Variants in RPS4X observed in about 807,000 individuals in gnomAD.
RPS4X encodes small ribosomal subunit protein eS4, X isoform.
For missense variants in RPS4X, 90 were observed against 219.1 expected (o/e 0.41, Z 3.72); for synonymous variants, 76 against 76.8 (o/e 0.99, Z 0.06).
At position 72,276,261 on chromosome X, in the gene RPS4X, T is replaced by C. The variant is rs147277097; in HGVS notation, c.4-27A>G. The C allele has an allele frequency of 3.9e-4, 446 of 1,139,537 alleles. 4 individuals are homozygous for C. The African/African-American group carries it at 6.9e-3, about 18-fold the overall frequency. 93.9% of individuals were successfully genotyped at this position (1,139,537 alleles called of 1,213,427 possible). A position where few individuals can be genotyped will look rare whatever the true frequency, so the allele number is the denominator to read the frequency against. Reference sequence around the variant, plus strand: ...TGAAAGTTTTAGATTGCAATGCTGTTAATCAGGTTTCAGAACAGCTTATAA... The same window carrying C: ...TGAAAGTTTTAGATTGCAATGCTGTCAATCAGGTTTCAGAACAGCTTATAA... On this transcript the variant is annotated intron_variant, in intron 1 of 6. Transcript: ENST00000316084.
chrX:72,273,502 T>C, intron 5 of RPS4X, 113 bp from the exon 6 acceptor site: 1 of 790,423 alleles, frequency 1.3e-6, no homozygotes, highest in South Asian at 2.8e-5. Flanking sequence ...TTTCCTCATA[T>C]GGAACTGCTG....
In RPS4X at chrX:72,273,331, G is replaced by A; in HGVS notation, c.591C>T (p.Asn197=). 1 of 1,209,928 alleles carries A rather than the reference G, an allele frequency of 8.3e-7. No homozygotes were observed. Among genetic ancestry groups the A allele is most frequent in the Non-Finnish European group, 1.1e-6 (1 of 893,805 alleles). ...ANLGRIGVIT[N]RERHPGSFDV... ...CAAAAGATCCAGGGTGCCTCTCTCTGTTGGTGATCACACCAATTCTTCCTA... is the reference window on the plus strand; with the variant it reads ...CAAAAGATCCAGGGTGCCTCTCTCTATTGGTGATCACACCAATTCTTCCTA... The change falls in exon 6 of 7, where the codon AAC becomes AAT. Residue 197 remains asparagine, a synonymous_variant. Transcript: ENST00000316084.
At chrX:72,277,116 C>A in intron 1 of RPS4X, 77 bp downstream of exon 1, 1 of 1,160,147 alleles carries the variant, frequency 8.6e-7, no homozygotes, top group African/African-American at 1.8e-5. Context: ...AGTAGGAATC[C>A]CGAAACCTCG....
chrX:72,276,110 G>A (rs912020413), intron 2 of RPS4X, 47 bp downstream of exon 2: 1 of 1,048,357 alleles, frequency 9.5e-7, no homozygotes, highest in Non-Finnish European at 1.3e-6. Flanking sequence ...AGTCCTGGGA[G>A]ACACTTAAAA....
chrX:72,272,918 A>G, intron 6 of RPS4X, 146 bp from the exon 7 acceptor site: 1 of 475,255 alleles, frequency 2.1e-6, no homozygotes, highest in South Asian at 3.6e-5. Flanking sequence ...CAAGACACAG[A>G]TGCTGGTTAC....
chrX:72,273,446 G>C, intron 5 of RPS4X, 57 bp from the exon 6 acceptor site: 1 of 1,052,328 alleles, frequency 9.5e-7, no homozygotes, highest in Non-Finnish European at 1.3e-6. Context: ...AAGCAGCTCA[G>C]AGATGGGTCC....
At position 72,273,229 on chromosome X, in the gene RPS4X, T is replaced by C; in HGVS notation, c.690+3A>G. 8.3e-7 allele frequency: 1 copy of C among 1,204,413 alleles called. No individual in the cohort carries two copies. Among genetic ancestry groups the C allele is most frequent in the East Asian group, 3.0e-5 (1 of 33,773 alleles). ...ACTAGAGAGAAGGAAAACCCAGACT[T>C]ACCTTGCCAATAACAAAAATGTTGG... On this transcript the variant is annotated splice_donor_region_variant and intron_variant, in intron 6 of 6. Coordinates refer to ENST00000316084, the MANE Select transcript of RPS4X (RefSeq NM_001007.5).
At chrX:72,275,804 A>G in intron 2 of RPS4X, 80 bp from the exon 3 acceptor site, 1 of 848,465 alleles carries the variant, frequency 1.2e-6, no homozygotes, top group Non-Finnish European at 1.7e-6. Context: ...AGATCCACTA[A>G]CTGAACACCA....
intron 1 of RPS4X, 95 bp from the exon 2 acceptor site, chrX:72,276,329 G>A (rs2043203562): frequency 3.4e-6 from 2 of 592,055 alleles, no homozygotes; most frequent in East Asian, 6.9e-5. Flanking sequence ...TTCATCTTCA[G>A]CAAAATGTGG....
chrX:72,272,907 G>T (rs1056475803), intron 6 of RPS4X, 135 bp from the exon 7 acceptor site: 1 of 484,303 alleles, frequency 2.1e-6, no homozygotes, highest in Non-Finnish European at 3.6e-6. Flanking sequence ...CTAGGCAGTT[G>T]CAAGACACAG....
chrX:72,275,286 T>C (rs971256851), intron 3 of RPS4X, 136 bp from the exon 4 acceptor site: 2 of 476,076 alleles, frequency 4.2e-6, no homozygotes, highest in South Asian at 3.6e-5. Context: ...ATTCTGAAGA[T>C]TAAAGATCAC....
chrX:72,273,122 C>T, intron 6 of RPS4X, 110 bp downstream of exon 6: 1 of 734,399 alleles, frequency 1.4e-6, no homozygotes, highest in South Asian at 2.7e-5. Context: ...CCAGAAGAGG[C>T]TTTGCACTAG....
intron 6 of RPS4X, 47 bp from the exon 7 acceptor site, chrX:72,272,819 A>G (rs767437734): frequency 1.1e-6 from 1 of 917,753 alleles, no homozygotes; most frequent in South Asian, 2.1e-5. Flanking sequence ...ACACCAACTC[A>G]TAGTGGCTTG....
At chrX:72,274,004 T>C (rs2043191428) in intron 4 of RPS4X, 32 bp from the exon 5 acceptor site, 1 of 1,170,338 alleles carries the variant, frequency 8.5e-7, no homozygotes, top group South Asian at 1.8e-5. Context: ...CCACATTCAA[T>C]CCATCTCACA....
In RPS4X at chrX:72,277,072, G is replaced by A. The variant is rs574101821; in HGVS notation, c.3+121C>T. 538 of 865,112 alleles carry A rather than the reference G, an allele frequency of 6.2e-4. 7 individuals carry two copies. The South Asian group carries it at 0.011, about 18-fold the overall frequency. 71.3% of individuals were successfully genotyped at this position (865,112 alleles called of 1,213,427 possible). A position where few individuals can be genotyped will look rare whatever the true frequency, so the allele number is the denominator to read the frequency against. On this transcript the variant is annotated intron_variant, in intron 1 of 6. Transcript: ENST00000316084. ...GAGCCCGTCCCGGCCTACCACGGAG[G>A]CCGTGATCCCTTCGCCTCTGCCCGG...
intron 1 of RPS4X, among the ~76,000 whole-genome samples, chrX:72,276,955 A>C (rs2043207300): frequency 8.9e-6 from 1 of 112,075 alleles, no homozygotes; most frequent in African/African-American, 3.2e-5. Context: ...CGGGATCAGG[A>C]CGTATGGCCG....
intron 6 of RPS4X, 122 bp from the exon 7 acceptor site, chrX:72,272,894 C>T: frequency 5.9e-6 from 3 of 505,313 alleles, no homozygotes; most frequent in Non-Finnish European, 1.0e-5. Context: ...TGCTTGGCAT[C>T]AGCTAGGCAG....
At chrX:72,275,814 A>G (rs1310741133) in intron 2 of RPS4X, 90 bp from the exon 3 acceptor site, 7 of 777,007 alleles carry the variant, frequency 9.0e-6, no homozygotes, top group Non-Finnish European at 1.3e-5. Flanking sequence ...ACTGAACACC[A>G]AGACCGTCCA....
At position 72,273,964 on chromosome X, in the gene RPS4X, C is replaced by G; in HGVS notation, c.369G>C (p.Leu123Phe). The stretch of plus-strand genomic sequence containing the variant: ...CCACAAAGATCTTTCTCACTTTGCA[C>G]AACTTGTACTAGAAAAATACAAGGG... Reference protein sequence around the residue: ...RITPEEAKYKLCKVRKIFVGT... With the variant: ...RITPEEAKYKFCKVRKIFVGT... The change falls in exon 5 of 7, where the codon TTG becomes TTC. Residue 123 changes from leucine (L) to phenylalanine (F), a missense_variant. Physicochemically the swap from Leu to Phe is conservative, Grantham distance 22. Coordinates refer to ENST00000316084, the MANE Select transcript of RPS4X (RefSeq NM_001007.5). 1 of 1,209,972 alleles carries G rather than the reference C, an allele frequency of 8.3e-7. No homozygotes were observed. The highest frequency in any genetic ancestry group is 1.1e-6 in the Non-Finnish European group (1 of 894,041).
Sources: gnomAD v4.1 joint callset for allele counts (sites outside exome capture counted in the v4.1 genomes callset) on GRCh38, gnomAD v4.1.1 for gene constraint, MANE v1.5 for transcripts, NCBI Gene and HGNC (gene_info 2026-07-23, HGNC 2026-07-21) for gene names.